Variants in WDFY4 observed in about 807,000 individuals in gnomAD.
The protein encoded by WDFY4 is WD repeat- and FYVE domain-containing protein 4.
In WDFY4, 169 loss-of-function variants were observed where a neutral mutation model predicts 351.9. That is an observed-to-expected ratio of 0.48 (90% CI 0.42 to 0.55). The LOEUF (loss-of-function observed/expected upper bound fraction) is 0.55. Ranked by LOEUF, WDFY4 falls within the 20% of genes least tolerant of loss-of-function variation. The pLI is 0.00. For missense variants in WDFY4, 3,803 were observed against 3,935.6 expected, an observed-to-expected ratio of 0.97 and a Z score of 0.90; for synonymous variants, 1,622 against 1,574.6, an observed-to-expected ratio of 1.03 and a Z score of -0.71.
chr10:48,858,438 A>G (rs1313854975), intron 39 of WDFY4, among the ~76,000 whole-genome samples: 2 of 152,224 alleles, frequency 1.3e-5, no homozygotes, highest in Non-Finnish European at 1.5e-5. Flanking sequence ...TGGACATCCA[A>G]TTGCTCCAAC....
At chr10:48,898,770 C>T (rs1485239163) in intron 45 of WDFY4, among the ~76,000 whole-genome samples, 4 of 152,156 alleles carry the variant, frequency 2.6e-5, no homozygotes, top group Non-Finnish European at 5.9e-5. Context: ...TCCTGAGGGC[C>T]TTTGCAGGGT....
intron 47 of WDFY4, among the ~76,000 whole-genome samples, chr10:48,925,450 C>G (rs1055498566): frequency 1.3e-5 from 2 of 152,176 alleles, no homozygotes; most frequent in Admixed American, 1.3e-4. Context: ...GAGAATTACC[C>G]CTTGTCCAAA....
chr10:48,714,149 A>G (rs1565120043), intron 2 of WDFY4, among the ~76,000 whole-genome samples: 2 of 152,212 alleles, frequency 1.3e-5, no homozygotes, highest in Non-Finnish European at 2.9e-5. Flanking sequence ...AAGTCACCCA[A>G]TTGTCAGCTG....
intron 39 of WDFY4, among the ~76,000 whole-genome samples, chr10:48,844,943 T>G (rs1439417923): frequency 6.6e-6 from 1 of 152,216 alleles, no homozygotes; most frequent in African/African-American, 2.4e-5. Context: ...TACCTTGTGA[T>G]GGCTGTAGGT....
In WDFY4 at chr10:48,981,246, A is replaced by G. The variant is rs1842792575; in HGVS notation, c.9377-121A>G. 3.8e-6 allele frequency: 3 copies of G among 798,028 alleles called. No homozygotes were observed. In the East Asian group the frequency reaches 8.2e-5, roughly 22 times the overall value. The allele number at this position is 798,028 out of a possible 1,614,324, so 49.4% of individuals were successfully genotyped here. On this transcript the variant is annotated intron_variant, in intron 60 of 61. Coordinates refer to ENST00000325239, the MANE Select transcript of WDFY4 (RefSeq NM_001394531.1). ...TTAAATATATTTCCCCCTCAATTTA[A>G]CAAGTTGCTGACCACAAATATAAAT...
In WDFY4 at chr10:48,875,090, A is replaced by T. The variant is rs2069943888; in HGVS notation, c.6950A>T (p.Glu2317Val). The T allele has an allele frequency of 1.3e-6, 2 of 1,486,412 alleles. No homozygotes were observed. Among genetic ancestry groups the T allele is most frequent in the Non-Finnish European group, 1.8e-6 (2 of 1,115,960 alleles). 92.1% of individuals were successfully genotyped at this position (1,486,412 alleles called of 1,614,324 possible). ...TTCTTTTCAATGTCCTTATTTCAGG[A>T]AAGCCAAGACAAAAATGATCATATT... is the stretch of plus-strand genomic sequence containing the variant. ...LEALSSGRHK[E>V]SQDKNDHISQ... The change falls in exon 42 of 62, where the codon GAA becomes GTA. Residue 2317 changes from glutamate (E) to valine (V), a missense_variant and splice_region_variant. Glu to Val is a moderately radical substitution (Grantham distance 121). This residue lies in a region of WDFY4 where 3,054 missense variants were observed against 3,148.6 expected (regional missense o/e 0.97). Coordinates refer to ENST00000325239, the MANE Select transcript of WDFY4 (RefSeq NM_001394531.1).
At chr10:48,766,832 G>A (rs1390061816) in intron 13 of WDFY4, among the ~76,000 whole-genome samples, 1 of 152,150 alleles carries the variant, frequency 6.6e-6, no homozygotes, top group Admixed American at 6.5e-5. Flanking sequence ...CTGGATCACA[G>A]AGATCACAGA....
chr10:48,695,531 T>C (rs1020416049), intron 1 of WDFY4, among the ~76,000 whole-genome samples: 4 of 152,258 alleles, frequency 2.6e-5, no homozygotes, highest in Non-Finnish European at 4.4e-5. Flanking sequence ...TTTACCCATC[T>C]GTACAGTGGG....
chr10:48,871,317 C>T (rs955316643), intron 40 of WDFY4, among the ~76,000 whole-genome samples: 4 of 152,190 alleles, frequency 2.6e-5, no homozygotes, highest in Non-Finnish European at 4.4e-5. Flanking sequence ...CATGAAGCTC[C>T]GTATGTTACT....
chr10:48,925,753 A>C (rs1839516808), intron 47 of WDFY4, among the ~76,000 whole-genome samples: 2 of 152,134 alleles, frequency 1.3e-5, no homozygotes, highest in African/African-American at 4.8e-5. Context: ...GGAATCTTAC[A>C]GGGACTCCAC....
At chr10:48,887,403 T>C (rs1286027864) in intron 43 of WDFY4, among the ~76,000 whole-genome samples, 1 of 152,236 alleles carries the variant, frequency 6.6e-6, no homozygotes, top group Non-Finnish European at 1.5e-5. Context: ...TAAATTAGTG[T>C]CACCTTGTGG....
At chr10:48,799,152 G>A (rs913632997) in intron 24 of WDFY4, among the ~76,000 whole-genome samples, 1 of 152,096 alleles carries the variant, frequency 6.6e-6, no homozygotes, top group Non-Finnish European at 1.5e-5. Flanking sequence ...TACTAGAATG[G>A]CCATGGACAC....
chr10:48,819,795 T>A (rs1871607), intron 32 of WDFY4, among the ~76,000 whole-genome samples: 1,791 of 152,170 alleles, frequency 0.012, 36 homozygotes, highest in African/African-American at 0.041. Context: ...GGGGTCCCCA[T>A]CACAAGATGG....
chr10:48,707,083 A>G (rs1359072461), intron 1 of WDFY4, among the ~76,000 whole-genome samples: 1 of 152,240 alleles, frequency 6.6e-6, no homozygotes, highest in Non-Finnish European at 1.5e-5. Flanking sequence ...AGCAAGAGAA[A>G]GACAAGCAAG....
chr10:48,759,908 C>T (rs545673127), intron 12 of WDFY4, among the ~76,000 whole-genome samples: 1 of 152,074 alleles, frequency 6.6e-6, no homozygotes, highest in East Asian at 1.9e-4. Flanking sequence ...GTTTTAGTTG[C>T]ATTCGGTATT....
At chr10:48,733,852 A>T (rs1455512196) in intron 9 of WDFY4, 79 bp from the exon 10 acceptor site, 1 of 1,255,874 alleles carries the variant, frequency 8.0e-7, no homozygotes, top group African/African-American at 1.5e-5. Context: ...CCTTAAGAGG[A>T]TAGAAAGCTG....
chr10:48,956,779 G>A (rs981482457), intron 51 of WDFY4, among the ~76,000 whole-genome samples: 1 of 152,180 alleles, frequency 6.6e-6, no homozygotes, highest in Non-Finnish European at 1.5e-5. Context: ...GCTGCCTCTT[G>A]TTGAGCACCT....
At chr10:48,906,823 G>T (rs1837639617) in intron 47 of WDFY4, among the ~76,000 whole-genome samples, 1 of 152,226 alleles carries the variant, frequency 6.6e-6, no homozygotes, top group South Asian at 2.1e-4. Flanking sequence ...AAAAATAGGT[G>T]TGGTCATGTG....
intron 47 of WDFY4, chr10:48,913,887 TC>T (rs755260145): frequency 6.2e-7 from 1 of 1,614,164 alleles, no homozygotes; most frequent in Non-Finnish European, 8.5e-7. Flanking sequence ...GCCAATGGAC[TC>T]AGGCAGCTTG....
Sources: allele counts gnomAD v4.1 joint callset (sites outside exome capture counted in the v4.1 genomes callset), GRCh38; gene constraint gnomAD v4.1.1; regional missense constraint gnomAD v4.1.1; transcripts MANE v1.5; gene names NCBI Gene and HGNC (gene_info 2026-07-23, HGNC 2026-07-21).